Variants in CAMTA1 observed in about 807,000 individuals in gnomAD.
The protein encoded by CAMTA1 is calmodulin binding transcription activator 1, also known as calmodulin-binding transcription activator 1.
CAMTA1 carries 27 observed loss-of-function variants against 170.9 expected under a neutral mutation model. The observed-to-expected ratio is 0.16, with a 90% CI of 0.12 to 0.22. The LOEUF is 0.22. CAMTA1 is among the 10% of genes least tolerant of loss of function. The pLI is 1.00. For missense variants in CAMTA1, 1,619 were observed against 2,217.2 expected (o/e 0.73, Z 5.42); for synonymous variants, 833 against 891.5 (o/e 0.93, Z 1.17).
intron 12 of CAMTA1, among the ~76,000 whole-genome samples, chr1:7,735,446 A>C (rs1370435660): frequency 1.4e-5 from 2 of 145,952 alleles, no homozygotes; most frequent in Non-Finnish European, 3.0e-5. Flanking sequence ...CTCTGTCTCA[A>C]AAAAAAAAAA....
At chr1:7,484,433 A>T (rs952083332) in intron 6 of CAMTA1, among the ~76,000 whole-genome samples, 5 of 152,230 alleles carry the variant, frequency 3.3e-5, no homozygotes, top group Admixed American at 1.3e-4. Context: ...CCAGGGGCTC[A>T]GTTTCCTCAT....
chr1:7,500,011 GCACA>G (rs2093958484), intron 6 of CAMTA1, among the ~76,000 whole-genome samples: 1 of 136,154 alleles, frequency 7.3e-6, no homozygotes, highest in African/African-American at 2.8e-5. Context: ...GTGCATATGT[GCACA>G]TTTACTGTGT....
chr1:7,363,868 C>G (rs1370779135), intron 5 of CAMTA1, among the ~76,000 whole-genome samples: 1 of 152,100 alleles, frequency 6.6e-6, no homozygotes, highest in East Asian at 1.9e-4. Context: ...TGGTAGCCCC[C>G]CTCAAAGGCA....
Position 7,279,147 on chromosome 1 carries a change from G to A in CAMTA1, c.438+29521G>A, listed in dbSNP as rs1003280855. ...GGTGAGCAGGTGGGCACTGAACCCC[G>A]CAGTGCACCTATGTGAAAGTGTTTG... On this transcript the variant is annotated intron_variant, in intron 5 of 22. Transcript: ENST00000303635. Among the ~76,000 whole-genome samples the A allele has an allele frequency of 9.2e-5, 14 of 152,260 alleles. No homozygotes were observed. The East Asian group carries it at 1.9e-3, about 21-fold the overall frequency.
chr1:7,000,039 T>C (rs772465070), intron 3 of CAMTA1, among the ~76,000 whole-genome samples: 1 of 152,244 alleles, frequency 6.6e-6, no homozygotes, highest in Admixed American at 6.5e-5. Context: ...TCCACTGTGA[T>C]AGACTGTCTG....
intron 4 of CAMTA1, among the ~76,000 whole-genome samples, chr1:7,240,462 T>G (rs1161077405): frequency 6.6e-6 from 1 of 152,116 alleles, no homozygotes; most frequent in Non-Finnish European, 1.5e-5. Flanking sequence ...CGAATGTTGA[T>G]GTTCAAATTG....
chr1:6,852,650 A>G (rs922702425), intron 3 of CAMTA1, among the ~76,000 whole-genome samples: 2 of 152,198 alleles, frequency 1.3e-5, no homozygotes, highest in Admixed American at 1.3e-4. Flanking sequence ...ATGGGGAGGA[A>G]CTCAGAACTT....
At chr1:7,575,758 T>A (rs2095183982) in intron 6 of CAMTA1, among the ~76,000 whole-genome samples, 1 of 152,222 alleles carries the variant, frequency 6.6e-6, no homozygotes, top group African/African-American at 2.4e-5. Context: ...CACTTGTTAC[T>A]TACTTGTCAT....
At chr1:7,377,000 A>G (rs72865635) in intron 5 of CAMTA1, among the ~76,000 whole-genome samples, 3,247 of 152,252 alleles carry the variant, frequency 0.021, 84 homozygotes, top group African/African-American at 0.061. Flanking sequence ...TCCATTCTGA[A>G]AAGTGCTCTG....
intron 5 of CAMTA1, among the ~76,000 whole-genome samples, chr1:7,375,824 C>T (rs931605905): frequency 2.6e-5 from 4 of 152,228 alleles, no homozygotes; most frequent in African/African-American, 9.6e-5. Context: ...AACATTAAAG[C>T]TTTATAGAGC....
intron 3 of CAMTA1, among the ~76,000 whole-genome samples, chr1:7,049,076 G>A (rs1044226244): frequency 6.6e-6 from 1 of 152,214 alleles, no homozygotes; most frequent in African/African-American, 2.4e-5. Flanking sequence ...GCTGCTGAAC[G>A]TCAGCTAGTT....
intron 6 of CAMTA1, among the ~76,000 whole-genome samples, chr1:7,495,035 G>A (rs1292682040): frequency 1.3e-5 from 2 of 152,224 alleles, no homozygotes; most frequent in East Asian, 3.9e-4. Flanking sequence ...AAGGATCCTA[G>A]GTCTCTGTTG....
chr1:7,620,769 G>A (rs1329594700), intron 6 of CAMTA1, among the ~76,000 whole-genome samples: 1 of 152,200 alleles, frequency 6.6e-6, no homozygotes, highest in Middle Eastern at 3.2e-3. Context: ...AGGCAGGCAA[G>A]TCCCCTGAGG....
At chr1:7,133,578 G>A (rs1393208270) in intron 4 of CAMTA1, among the ~76,000 whole-genome samples, 1 of 152,154 alleles carries the variant, frequency 6.6e-6, no homozygotes, top group Admixed American at 6.5e-5. Context: ...CTGTCAATAT[G>A]TGAAAAGTCT....
intron 2 of CAMTA1, among the ~76,000 whole-genome samples, chr1:6,824,188 T>C (rs12088027): frequency 0.065 from 9,848 of 152,266 alleles, 349 homozygotes; most frequent in Middle Eastern, 0.099. Context: ...GGGGATCTTA[T>C]GTAGCATAAA....
chr1:7,043,430 C>T (rs1704809609), intron 3 of CAMTA1, among the ~76,000 whole-genome samples: 1 of 152,156 alleles, frequency 6.6e-6, no homozygotes, highest in Non-Finnish European at 1.5e-5. Context: ...GTGCTGTCCA[C>T]CTACAGCTAT....
chr1:7,685,074 G>A lies in CAMTA1; in HGVS notation c.2914+7341G>A, dbSNP rs998680419. Among the ~76,000 whole-genome samples the A allele has an allele frequency of 4.6e-5, 7 of 151,992 alleles. No individual in the cohort carries two copies. The highest frequency in any genetic ancestry group is 2.1e-4 in the South Asian group (1 of 4,810). ...GAGGAGTTCGCAGGCACCGTCCCGT[G>A]GTCACAGGTGGCGTGTTTTGAGGAG... On this transcript the variant is annotated intron_variant, in intron 11 of 22. Transcript: ENST00000303635. This position sits in a 1 kb window ranked among gnomAD's most constrained non-coding sequence, Gnocchi z 5.7.
intron 5 of CAMTA1, among the ~76,000 whole-genome samples, chr1:7,398,191 CTCTATA>C (rs1453115654): frequency 2.0e-3 from 54 of 26,896 alleles, no homozygotes; most frequent in South Asian, 2.9e-3. Context: ...CTCTCTCTCT[CTCTATA>C]TATATATATA....
chr1:7,360,360 C>A (rs1046294819), intron 5 of CAMTA1, among the ~76,000 whole-genome samples: 1 of 152,154 alleles, frequency 6.6e-6, no homozygotes, highest in Non-Finnish European at 1.5e-5. Flanking sequence ...ACAGCCATGC[C>A]AGGACAGGAC....
Sources: gnomAD v4.1 joint callset for allele counts (sites outside exome capture counted in the v4.1 genomes callset) on GRCh38, gnomAD v4.1.1 for gene constraint, Gnocchi (gnomAD v3.1) non-coding constraint, MANE v1.5 for transcripts, NCBI Gene and HGNC (gene_info 2026-07-23, HGNC 2026-07-21) for gene names.